Variants in ADAP2 observed in about 807,000 individuals in gnomAD.
ADAP2 encodes the protein ArfGAP with dual PH domains 2.
In ADAP2, 42 loss-of-function variants were observed where a neutral mutation model predicts 54.9. That is an observed-to-expected ratio of 0.77 (90% CI 0.60 to 0.99). ADAP2 has a LOEUF of 0.99. ADAP2 is among the 50% of genes least tolerant of loss of function. The pLI is 0.00. For synonymous variants in ADAP2, 177 were observed against 180.1 expected, an observed-to-expected ratio of 0.98 and a Z score of 0.14; for missense variants, 429 against 480.4, an observed-to-expected ratio of 0.89 and a Z score of 1.00.
At chr17:30,926,334 T>A (rs888766750) in intron 2 of ADAP2, among the ~76,000 whole-genome samples, 1 of 152,176 alleles carries the variant, frequency 6.6e-6, no homozygotes, top group Non-Finnish European at 1.5e-5. Context: ...CATCCTGACC[T>A]ATGCACTCCA....
intron 5 of ADAP2, among the ~76,000 whole-genome samples, chr17:30,935,243 C>T (rs1911788501): frequency 6.6e-6 from 1 of 152,134 alleles, no homozygotes; most frequent in African/African-American, 2.4e-5. Context: ...TGGTGCATGC[C>T]TGTAATCCCA....
At chr17:30,924,614 G>T (rs1910888313) in intron 2 of ADAP2, among the ~76,000 whole-genome samples, 1 of 152,066 alleles carries the variant, frequency 6.6e-6, no homozygotes, top group African/African-American at 2.4e-5. Flanking sequence ...CAGGACTATT[G>T]GGGAAGCAGG....
intron 5 of ADAP2, among the ~76,000 whole-genome samples, chr17:30,943,572 G>A (rs1912428287): frequency 6.6e-6 from 1 of 152,030 alleles, no homozygotes; most frequent in Admixed American, 6.6e-5. Context: ...AGATTGGCTG[G>A]GCACAGTGGC....
At chr17:30,957,085 G>A (rs931791390) in intron 10 of ADAP2, 7 of 157,180 alleles carry the variant, frequency 4.5e-5, no homozygotes, top group Admixed American at 4.2e-4. Context: ...GAGAATTTCT[G>A]TGTTTGGAAA....
chr17:30,925,925 G>T (rs898207298), intron 2 of ADAP2, among the ~76,000 whole-genome samples: 1 of 152,028 alleles, frequency 6.6e-6, no homozygotes, highest in Non-Finnish European at 1.5e-5. Flanking sequence ...TAGAGACAAG[G>T]TTTCACCATG....
intron 10 of ADAP2, 156 bp downstream of exon 10, chr17:30,956,625 C>A: frequency 1.3e-6 from 1 of 782,986 alleles, no homozygotes; most frequent in Non-Finnish European, 2.0e-6. Context: ...AAAGCACAGA[C>A]ATGCCATTAT....
At chr17:30,956,712 C>T in intron 10 of ADAP2, 1 of 539,096 alleles carries the variant, frequency 1.9e-6, no homozygotes, top group Non-Finnish European at 3.3e-6. Context: ...GGAGTTTGGC[C>T]CTGGCAGAAC....
intron 5 of ADAP2, among the ~76,000 whole-genome samples, chr17:30,938,918 C>T (rs1294318008): frequency 6.6e-6 from 1 of 152,140 alleles, no homozygotes; most frequent in Non-Finnish European, 1.5e-5. Context: ...CTGGCTTGAT[C>T]ACTACACATT....
At chr17:30,940,744 C>A (rs571809581) in intron 5 of ADAP2, among the ~76,000 whole-genome samples, 1 of 152,316 alleles carries the variant, frequency 6.6e-6, no homozygotes, top group South Asian at 2.1e-4. Context: ...GTAGTTGAAG[C>A]ATTGTCCTGG....
At position 30,956,250 on chromosome 17, in the gene ADAP2, GAGCAGGGCCAGGTT is replaced by G. The variant is rs1567728345; in HGVS notation, c.893_906del (p.Glu298ValfsTer10). 1 of 1,614,088 alleles carries G rather than the reference GAGCAGGGCCAGGTT, an allele frequency of 6.2e-7. No individual in the cohort carries two copies. Among genetic ancestry groups the G allele is most frequent in the Non-Finnish European group, 8.5e-7 (1 of 1,180,014 alleles). ...TACTCTCCATTTTCAGGATGCCTTCGAGCAGGGCCAGGTTTTTCTTGGGAACAAGGAGCAGGGAT... is the reference window on the plus strand; with the variant it reads ...TACTCTCCATTTTCAGGATGCCTTCGTTTCTTGGGAACAAGGAGCAGGGAT... On this transcript the variant is annotated frameshift_variant, in exon 10 of 11. Transcript: ENST00000330889. LOFTEE classifies it high-confidence loss of function.
At chr17:30,939,005 C>T (rs1298113563) in intron 5 of ADAP2, among the ~76,000 whole-genome samples, 2 of 152,110 alleles carry the variant, frequency 1.3e-5, no homozygotes, top group Admixed American at 6.6e-5. Flanking sequence ...TCCAATGTGG[C>T]CACAGTCTGG....
chr17:30,923,693 C>CTTTTTTT (rs1013811428), intron 2 of ADAP2, among the ~76,000 whole-genome samples: 23 of 92,418 alleles, frequency 2.5e-4, no homozygotes, highest in East Asian at 3.1e-4. Context: ...TTCTTTCTTC[C>CTTTTTTT]TTTTTTTTTT....
At position 30,949,352 on chromosome 17, in the gene ADAP2, T is replaced by C. The variant is rs1420411410; in HGVS notation, c.723T>C (p.Pro241=). The C allele has an allele frequency of 1.2e-6, 2 of 1,614,048 alleles. No homozygotes were observed. Among genetic ancestry groups the C allele is most frequent in the African/African-American group, 2.7e-5 (2 of 74,946 alleles). The change falls in exon 7 of 11, where the codon CCT becomes CCC. Residue 241 remains proline, a synonymous_variant. Coordinates refer to ENST00000330889, the MANE Select transcript of ADAP2 (RefSeq NM_018404.3). ...ARLQYLKMAF[P]ELPESELVPF... ...TGCAGTACCTAAAAATGGCCTTTCCTGAACTCCCAGAGTCTGAGGTGAGCT... is the reference window on the plus strand; with the variant it reads ...TGCAGTACCTAAAAATGGCCTTTCCCGAACTCCCAGAGTCTGAGGTGAGCT...
intron 7 of ADAP2, among the ~76,000 whole-genome samples, chr17:30,950,790 C>T (rs1223088548): frequency 1.3e-5 from 2 of 152,172 alleles, no homozygotes; most frequent in Non-Finnish European, 2.9e-5. Context: ...AGTTTGCACC[C>T]AGAACTGGTT....
At chr17:30,938,336 T>C (rs1912034643) in intron 5 of ADAP2, among the ~76,000 whole-genome samples, 1 of 152,198 alleles carries the variant, frequency 6.6e-6, no homozygotes, top group Non-Finnish European at 1.5e-5. Context: ...GCTTAAGCTT[T>C]CTTGTGGCTT....
chr17:30,932,500 C>T (rs758269770), intron 4 of ADAP2, among the ~76,000 whole-genome samples: 27 of 151,682 alleles, frequency 1.8e-4, no homozygotes, highest in Non-Finnish European at 3.2e-4. Flanking sequence ...GTGATCCTTT[C>T]GCTTTGGCCT....
At chr17:30,948,100 G>A (rs1912809142) in intron 6 of ADAP2, among the ~76,000 whole-genome samples, 1 of 152,200 alleles carries the variant, frequency 6.6e-6, no homozygotes, top group Non-Finnish European at 1.5e-5. Context: ...AGGTGTGTGT[G>A]GGATGGAGCG....
At chr17:30,928,171 C>G (rs992534066) in intron 3 of ADAP2, among the ~76,000 whole-genome samples, 10 of 106,510 alleles carry the variant, frequency 9.4e-5, no homozygotes, top group Non-Finnish European at 1.6e-4. Context: ...CCAGCCTGGG[C>G]AACAGAAGGA....
intron 7 of ADAP2, among the ~76,000 whole-genome samples, chr17:30,951,004 T>C (rs1024332943): frequency 2.6e-5 from 4 of 152,216 alleles, no homozygotes; most frequent in Non-Finnish European, 1.5e-5. Flanking sequence ...ATCCATCCCG[T>C]GTCTTTCCTC....
Sources: gnomAD v4.1 joint callset for allele counts (sites outside exome capture counted in the v4.1 genomes callset) on GRCh38, gnomAD v4.1.1 for gene constraint, MANE v1.5 for transcripts, NCBI Gene and HGNC (gene_info 2026-07-23, HGNC 2026-07-21) for gene names.